ATP5PF: variants seen among roughly 807,000 people sequenced by gnomAD.
The protein encoded by ATP5PF is ATP synthase peripheral stalk subunit F6, also known as ATP synthase peripheral stalk subunit F6, mitochondrial.
Under a neutral mutation model 12.0 loss-of-function variants are expected in ATP5PF, and 7 were observed. The observed-to-expected ratio is 0.58, with a 90% CI of 0.33 to 1.10. The LOEUF (loss-of-function observed/expected upper bound fraction) is 1.10. Ranked by LOEUF, ATP5PF falls within the 50% of genes least tolerant of loss-of-function variation. ATP5PF has a pLI of 0.03. For synonymous variants in ATP5PF, 41 were observed against 45.4 expected, an observed-to-expected ratio of 0.90 and a Z score of 0.39; for missense variants, 120 against 127.7, an observed-to-expected ratio of 0.94 and a Z score of 0.29.
chr21:25,729,747 G>A lies in ATP5PF; in HGVS notation c.48C>T (p.Ala16=), dbSNP rs771159388. ...TGTTCCTCCGCAAATGGACTGAGAC[G>A]GCTGACCGAATGACAGAGGAGAACC... The part of the protein sequence containing the change: ...LFRFSSVIRS[A]VSVHLRRNIG... The change falls in exon 2 of 4, where the codon GCC becomes GCT. Residue 16 remains alanine, a synonymous_variant. Transcript: ENST00000284971. 19 of 1,613,714 alleles carry A rather than the reference G, an allele frequency of 1.2e-5. No individual in the cohort carries two copies. In the East Asian group the frequency reaches 1.6e-4, roughly 13 times the overall value.
chr21:25,725,003 A>G (rs2034578062), intron 3 of ATP5PF: 1 of 621,986 alleles, frequency 1.6e-6, no homozygotes, highest in South Asian at 2.2e-5. Flanking sequence ...AAGATTGGGC[A>G]GTTCGATTTC....
At chr21:25,733,500 C>A (rs1407032779) in intron 1 of ATP5PF, among the ~76,000 whole-genome samples, 1 of 151,980 alleles carries the variant, frequency 6.6e-6, no homozygotes, top group Non-Finnish European at 1.5e-5. Flanking sequence ...GCAATCCAGC[C>A]TGGGCGACAG....
chr21:25,725,821 A>C (rs1054798512), intron 2 of ATP5PF, among the ~76,000 whole-genome samples: 2 of 152,218 alleles, frequency 1.3e-5, no homozygotes, highest in Non-Finnish European at 2.9e-5. Flanking sequence ...TTTCAATTCA[A>C]ACTATTTTAT....
intron 1 of ATP5PF, among the ~76,000 whole-genome samples, chr21:25,733,315 G>A (rs1162137762): frequency 6.6e-6 from 1 of 152,126 alleles, no homozygotes; most frequent in Non-Finnish European, 1.5e-5. Flanking sequence ...AGATCACGAG[G>A]TCAGGAGATC....
At chr21:25,734,334 G>C (rs1415606287) in intron 1 of ATP5PF, 1 of 986,214 alleles carries the variant, frequency 1.0e-6, no homozygotes, top group East Asian at 1.1e-4. Flanking sequence ...ATGACTGACC[G>C]GCCAAAGGTT....
chr21:25,724,564 A>G lies in ATP5PF; in HGVS notation c.*76T>C, dbSNP rs2034566821. ...AGAACATTTGACAGTTATGAAATGC[A>G]TGTTTATTCTGAAACTTCTAACTAG... On this transcript the variant is annotated 3_prime_UTR_variant, in exon 4 of 4. Coordinates refer to ENST00000284971, the MANE Select transcript of ATP5PF (RefSeq NM_001003703.2). 6.9e-7 allele frequency: 1 copy of G among 1,459,036 alleles called. No homozygotes were observed. Among genetic ancestry groups the G allele is most frequent in the Non-Finnish European group, 9.5e-7 (1 of 1,053,918 alleles). The allele number at this position is 1,459,036 out of a possible 1,614,324, so 90.4% of individuals were successfully genotyped here.
At chr21:25,732,985 CAAAAAAAAAAAAAAA>C (rs370858284) in intron 1 of ATP5PF, among the ~76,000 whole-genome samples, 2 of 47,804 alleles carry the variant, frequency 4.2e-5, no homozygotes, top group Non-Finnish European at 7.0e-5. Flanking sequence ...AACTCTGTCT[CAAAAAAAAAAAAAAA>C]AAAAAAAAAA....
chr21:25,733,522 G>T (rs2123460323), intron 1 of ATP5PF, among the ~76,000 whole-genome samples: 1 of 151,600 alleles, frequency 6.6e-6, no homozygotes, highest in Non-Finnish European at 1.5e-5. Context: ...GCGAGACTCT[G>T]TCTCAAAAAA....
rs2034951606 is a variant in ATP5PF at position 25,734,750 on chromosome 21, G to A, written c.-8+103C>T. 4 of 1,190,150 alleles carry A rather than the reference G, an allele frequency of 3.4e-6. No individual in the cohort carries two copies. In the African/African-American group the frequency reaches 4.6e-5, roughly 14 times the overall value. 73.7% of individuals were successfully genotyped at this position (1,190,150 alleles called of 1,614,324 possible). A position where few individuals can be genotyped will look rare whatever the true frequency, so the allele number is the denominator to read the frequency against. ...GTGAAGGTCCCCAGGACACAGAGCT[G>A]CTCTCTCCTCCTAGTAAAGGTGAGA... On this transcript the variant is annotated intron_variant, in intron 1 of 3. Coordinates refer to ENST00000284971, the MANE Select transcript of ATP5PF (RefSeq NM_001003703.2).
intron 2 of ATP5PF, among the ~76,000 whole-genome samples, chr21:25,726,563 G>A (rs891906393): frequency 6.6e-6 from 1 of 152,326 alleles, no homozygotes; most frequent in East Asian, 1.9e-4. Flanking sequence ...AAGGAGTCTA[G>A]ATGGAAAAAC....
At chr21:25,735,137 T>G (rs931275085), upstream of ATP5PF, 7 of 677,552 alleles carry the variant, frequency 1.0e-5, no homozygotes, top group African/African-American at 1.1e-4. Flanking sequence ...GACCCGTTCT[T>G]TTTCCCCTCC....
chr21:25,729,271 G>T (rs1008039430), intron 2 of ATP5PF, among the ~76,000 whole-genome samples: 1 of 152,000 alleles, frequency 6.6e-6, no homozygotes, highest in Non-Finnish European at 1.5e-5. Context: ...TATGATCTTC[G>T]GCTAATCAAT....
intron 2 of ATP5PF, among the ~76,000 whole-genome samples, chr21:25,727,207 T>C (rs548656155): frequency 2.6e-5 from 4 of 152,346 alleles, no homozygotes; most frequent in Admixed American, 2.6e-4. Flanking sequence ...ATCCTTCAAC[T>C]AGATACTCTA....
chr21:25,726,024 G>A (rs927052597), intron 2 of ATP5PF, among the ~76,000 whole-genome samples: 3 of 152,168 alleles, frequency 2.0e-5, no homozygotes, highest in Admixed American at 6.5e-5. Context: ...CAGCAACTGC[G>A]TAAACCTGAG....
upstream of ATP5PF, chr21:25,735,169 A>C (rs1003979760): frequency 8.1e-6 from 5 of 616,548 alleles, no homozygotes; most frequent in South Asian, 9.4e-5. Flanking sequence ...CTCTGTACGC[A>C]TGCGCTCTTT....
intron 2 of ATP5PF, among the ~76,000 whole-genome samples, chr21:25,727,556 G>A (rs1200292444): frequency 6.6e-6 from 1 of 152,166 alleles, no homozygotes; most frequent in African/African-American, 2.4e-5. Context: ...GAGCTAATTA[G>A]TGGCAGTGCT....
Position 25,725,281 on chromosome 21 carries a change from G to A in ATP5PF, c.234C>T (p.Leu78=). ...QQELERELFK[L]KQMFGNADMN... ...TGTCTGCATTACCAAACATTTGCTT[G>A]AGCTTAAAAAGCTCCCTCTCCAGCT... Residue 78 remains leucine, a synonymous_variant, in exon 3 of 4, where the codon CTC becomes CTT. Coordinates refer to ENST00000284971, the MANE Select transcript of ATP5PF (RefSeq NM_001003703.2). 6.2e-7 allele frequency: 1 copy of A among 1,613,334 alleles called. No individual in the cohort carries two copies. The highest frequency in any genetic ancestry group is 1.7e-5 in the Admixed American group (1 of 59,892).
chr21:25,727,177 G>A (rs562986736), intron 2 of ATP5PF, among the ~76,000 whole-genome samples: 1 of 152,216 alleles, frequency 6.6e-6, no homozygotes, highest in East Asian at 1.9e-4. Context: ...AACCAAAATG[G>A]ACACTGCGGT....
intron 1 of ATP5PF, among the ~76,000 whole-genome samples, chr21:25,730,029 C>G (rs2034718603): frequency 6.6e-6 from 1 of 152,142 alleles, no homozygotes; most frequent in Non-Finnish European, 1.5e-5. Flanking sequence ...AGGCCTGAAG[C>G]TTCATCAGGG....
Sources: allele counts gnomAD v4.1 joint callset (sites outside exome capture counted in the v4.1 genomes callset), GRCh38; gene constraint gnomAD v4.1.1; transcripts MANE v1.5; gene names NCBI Gene and HGNC (gene_info 2026-07-23, HGNC 2026-07-21).